Variants in ABCB1 observed in about 807,000 individuals in gnomAD.
ABCB1 encodes ATP binding cassette subfamily B member 1, also known as ATP-dependent translocase ABCB1.
ABCB1 carries 69 observed loss-of-function variants against 142.0 expected under a neutral mutation model. The ratio of observed to expected loss-of-function variants is 0.49; its 90% CI spans 0.40 to 0.59. ABCB1 has a LOEUF of 0.59. Among genes scored for constraint, ABCB1 ranks in the 20% least tolerant of loss-of-function variants. The pLI, the probability that ABCB1 is intolerant of heterozygous loss-of-function variation, is 0.00. For synonymous variants in ABCB1, 532 were observed against 539.2 expected (o/e 0.99, Z 0.18); for missense variants, 1,326 against 1,554.7 (o/e 0.85, Z 2.47).
chr7:87,615,003 T>C (rs1819986007), intron 1 of ABCB1, among the ~76,000 whole-genome samples: 1 of 152,016 alleles, frequency 6.6e-6, no homozygotes, highest in Non-Finnish European at 1.5e-5. Context: ...CGCCACCATG[T>C]CCTGCTAAAT....
intron 1 of ABCB1, among the ~76,000 whole-genome samples, chr7:87,668,938 G>T (rs1050738761): frequency 6.6e-6 from 1 of 152,112 alleles, no homozygotes; most frequent in African/African-American, 2.4e-5. Context: ...GTGAGGAGAA[G>T]AATGTATATT....
chr7:87,671,215 C>G (rs1425744194), intron 1 of ABCB1, among the ~76,000 whole-genome samples: 1 of 152,200 alleles, frequency 6.6e-6, no homozygotes, highest in Non-Finnish European at 1.5e-5. Context: ...GGCCTCCTCT[C>G]CTTGGGCTGA....
At chr7:87,546,397 G>T (rs1196341417) in intron 14 of ABCB1, among the ~76,000 whole-genome samples, 1 of 151,930 alleles carries the variant, frequency 6.6e-6, no homozygotes, top group Non-Finnish European at 1.5e-5. Flanking sequence ...GACCATCCTG[G>T]CTAACACAGT....
intron 1 of ABCB1, among the ~76,000 whole-genome samples, chr7:87,676,586 C>T (rs1460089621): frequency 6.6e-6 from 1 of 151,662 alleles, no homozygotes; most frequent in African/African-American, 2.4e-5. Context: ...TGCCTGTAGT[C>T]CCAGCTACTC....
At chr7:87,668,585 T>C (rs1825508231) in intron 1 of ABCB1, among the ~76,000 whole-genome samples, 1 of 152,114 alleles carries the variant, frequency 6.6e-6, no homozygotes, top group Non-Finnish European at 1.5e-5. Context: ...TAATTTGAGA[T>C]CTCTCTAACT....
rs372469154 is a variant in ABCB1 at position 87,680,717 on chromosome 7, C to G, written c.-331+32444G>C. ...GCTGAAGGCAGGAGAATCACTTGAA[C>G]CTGGGAGGCGGAGGGTGCAGTGAGC... On this transcript the variant is annotated intron_variant, in intron 1 of 28. Coordinates refer to the ABCB1 transcript ENST00000265724. Among the ~76,000 whole-genome samples the G allele has an allele frequency of 2.6e-3, 386 of 150,258 alleles. 22 individuals are homozygous for G. The highest frequency in any genetic ancestry group is 0.014 in the Admixed American group (206 of 15,058).
chr7:87,521,251 T>C (rs536847190), intron 21 of ABCB1: 1 of 353,568 alleles, frequency 2.8e-6, no homozygotes, highest in African/African-American at 2.1e-5. Context: ...ACACTTATTT[T>C]TAAAATGTGA....
chr7:87,506,472 A>C (rs543057909), intron 26 of ABCB1, among the ~76,000 whole-genome samples: 4 of 152,322 alleles, frequency 2.6e-5, no homozygotes, highest in Admixed American at 1.3e-4. Flanking sequence ...TTGAGGAAAG[A>C]CATTCTTGGG....
chr7:87,528,978 G>A (rs1181219340), intron 21 of ABCB1, among the ~76,000 whole-genome samples: 1 of 152,200 alleles, frequency 6.6e-6, no homozygotes, highest in African/African-American at 2.4e-5. Flanking sequence ...AGGTCATCAG[G>A]AGTTAGATCA....
chr7:87,550,463 T>A lies in ABCB1; in HGVS notation c.1224+5A>T, dbSNP rs376497843. 1 of 1,610,630 alleles carries A rather than the reference T, an allele frequency of 6.2e-7. No homozygotes were observed. Among genetic ancestry groups the A allele is most frequent in the African/African-American group, 1.3e-5 (1 of 75,040 alleles). ...TAATTGTTGATTAATCATTTATCAC[T>A]GTACCTTAACTTCTTTTCGAGATGG... On this transcript the variant is annotated splice_donor_5th_base_variant and intron_variant, in intron 11 of 27. Coordinates refer to ENST00000622132, the MANE Select transcript of ABCB1 (RefSeq NM_001348946.2).
intron 1 of ABCB1, among the ~76,000 whole-genome samples, chr7:87,688,124 C>G (rs974184087): frequency 6.6e-6 from 1 of 152,058 alleles, no homozygotes; most frequent in Non-Finnish European, 1.5e-5. Context: ...CTGAGAAACA[C>G]CCTTTTAAGT....
chr7:87,675,653 CA>C (rs200136132), intron 1 of ABCB1, among the ~76,000 whole-genome samples: 5,798 of 65,644 alleles, frequency 0.088, 95 homozygotes, highest in African/African-American at 0.17. Context: ...TATTCACATG[CA>C]AAAAAAAAAA....
At chr7:87,650,844 G>A in intron 1 of ABCB1, 1 of 1,609,018 alleles carries the variant, frequency 6.2e-7, no homozygotes, top group Non-Finnish European at 8.5e-7. Context: ...GACCCTGATT[G>A]ATCGGTCTTG....
chr7:87,651,386 A>G (rs1339511222), intron 1 of ABCB1, among the ~76,000 whole-genome samples: 1 of 152,128 alleles, frequency 6.6e-6, no homozygotes, highest in African/African-American at 2.4e-5. Context: ...TGATTTTCTT[A>G]AATCAAAAAG....
chr7:87,657,286 AAAC>A (rs1033545768), intron 1 of ABCB1, among the ~76,000 whole-genome samples: 2 of 152,164 alleles, frequency 1.3e-5, no homozygotes, highest in East Asian at 1.9e-4. Flanking sequence ...AAAGGGAAAA[AAAC>A]AACAACAATG....
At chr7:87,692,155 A>G (rs77680440) in intron 1 of ABCB1, among the ~76,000 whole-genome samples, 1,570 of 152,274 alleles carry the variant, frequency 0.01, 29 homozygotes, top group African/African-American at 0.036. Flanking sequence ...TAAAAAAATA[A>G]CCAACATTAT....
At chr7:87,638,877 G>A (rs540500060) in intron 1 of ABCB1, among the ~76,000 whole-genome samples, 2 of 152,186 alleles carry the variant, frequency 1.3e-5, no homozygotes, top group South Asian at 4.1e-4. Context: ...TGTCGGCTGG[G>A]CATGGTGGCT....
intron 1 of ABCB1, among the ~76,000 whole-genome samples, chr7:87,655,846 A>C (rs913460969): frequency 4.6e-5 from 7 of 152,144 alleles, no homozygotes; most frequent in African/African-American, 1.7e-4. Context: ...TTAGCTCATA[A>C]GGGCAGAGCC....
chr7:87,563,950 G>C (rs1479015200), intron 7 of ABCB1, among the ~76,000 whole-genome samples: 3 of 152,026 alleles, frequency 2.0e-5, no homozygotes, highest in Non-Finnish European at 4.4e-5. Flanking sequence ...ACTTATAAGT[G>C]GGAGCTAAAT....
Sources: allele counts gnomAD v4.1 joint callset (sites outside exome capture counted in the v4.1 genomes callset), GRCh38; gene constraint gnomAD v4.1.1; transcripts MANE v1.5; gene names NCBI Gene and HGNC (gene_info 2026-07-23, HGNC 2026-07-21).